The following KIF3C variants were observed in gnomAD, a reference collection of about 807,000 sequenced individuals.
KIF3C encodes the protein kinesin family member 3C.
A neutral mutation model predicts 67.7 loss-of-function variants in KIF3C; 12 were observed. That is an observed-to-expected ratio of 0.18 (90% CI 0.11 to 0.29). KIF3C has a LOEUF of 0.29. Ranked by LOEUF, KIF3C falls within the 10% of genes least tolerant of loss-of-function variation. The pLI is 1.00. For synonymous variants in KIF3C, 393 were observed against 426.2 expected (o/e 0.92, Z 0.96); for missense variants, 789 against 1,059.6 (o/e 0.74, Z 3.55).
chr2:25,945,131 CA>C (rs60379654), intron 5 of KIF3C, among the ~76,000 whole-genome samples: 4,280 of 135,676 alleles, frequency 0.032, 182 homozygotes, highest in African/African-American at 0.11. Flanking sequence ...AACTCTATCT[CA>C]AAAAAAAAAA....
In KIF3C at chr2:25,982,040, T is replaced by G. The variant is rs945903984; in HGVS notation, c.-123A>C. 4 of 747,034 alleles carry G rather than the reference T, an allele frequency of 5.4e-6. No homozygotes were observed. The highest frequency in any genetic ancestry group is 1.8e-5 in the African/African-American group (1 of 56,508). The allele number at this position is 747,034 out of a possible 1,614,324, so 46.3% of individuals were successfully genotyped here. ...CCCAGGCGCAGCTCTTCAATCCGCA[T>G]GCAGCCTCCTAGGGTGGGGACGCTG... On this transcript the variant is annotated 5_prime_UTR_variant, in exon 1 of 8. The change abolishes an upstream ATG in the 5' untranslated region. Coordinates refer to ENST00000264712, the MANE Select transcript of KIF3C (RefSeq NM_002254.8).
intron 1 of KIF3C, among the ~76,000 whole-genome samples, chr2:25,975,889 T>C (rs764699807): frequency 6.6e-6 from 1 of 151,462 alleles, no homozygotes; most frequent in South Asian, 2.1e-4. Flanking sequence ...ACTCAGAAGG[T>C]GGAGCTTGCA....
intron 5 of KIF3C, among the ~76,000 whole-genome samples, chr2:25,930,683 A>G (rs903673092): frequency 1.3e-5 from 2 of 152,206 alleles, no homozygotes; most frequent in African/African-American, 4.8e-5. Flanking sequence ...GATTATAGGC[A>G]TGTGGCACCA....
rs916683634 is a variant in KIF3C at position 25,929,198 on chromosome 2, C to T, written c.2288+107G>A. The T allele has an allele frequency of 9.1e-6, 13 of 1,429,360 alleles. No homozygotes were observed. The East Asian group carries it at 1.6e-4, about 18-fold the overall frequency. The allele number at this position is 1,429,360 out of a possible 1,614,324, so 88.5% of individuals were successfully genotyped here. On this transcript the variant is annotated intron_variant, in intron 7 of 7. Transcript: ENST00000264712. ...TCTGACATCCCCAGTCACCCCTTGC[C>T]CTTCCTGCCCTTCGGGTACCAGCAA...
chr2:25,962,796 TTA>T (rs1343665169), intron 1 of KIF3C, among the ~76,000 whole-genome samples: 1 of 78,750 alleles, frequency 1.3e-5, no homozygotes, highest in Non-Finnish European at 2.3e-5. Context: ...ATAATATATA[TTA>T]TATAATATAT....
chr2:25,934,627 C>T (rs1040431682), intron 5 of KIF3C, among the ~76,000 whole-genome samples: 2 of 151,760 alleles, frequency 1.3e-5, no homozygotes, highest in African/African-American at 4.8e-5. Context: ...ATAGTGGTGA[C>T]GGTTGTATAA....
In KIF3C at chr2:25,927,513, A is replaced by C. The variant is rs1390044201; in HGVS notation, c.*1465T>G. ...TAAATCAGACCCAAGCTTGATCCTCAGAGCAGAACTTGAATGATGTAAGAA... is the reference window on the plus strand; with the variant it reads ...TAAATCAGACCCAAGCTTGATCCTCCGAGCAGAACTTGAATGATGTAAGAA... On this transcript the variant is annotated 3_prime_UTR_variant, in exon 8 of 8. Transcript: ENST00000264712. 1 of 152,200 alleles carries C rather than the reference A, an allele frequency of 6.6e-6. No homozygotes were observed. Among genetic ancestry groups the C allele is most frequent in the African/African-American group, 2.4e-5 (1 of 41,458 alleles). 9.4% of individuals were successfully genotyped at this position (152,200 alleles called of 1,614,324 possible). A position where few individuals can be genotyped will look rare whatever the true frequency, so the allele number is the denominator to read the frequency against.
At chr2:25,973,479 G>A (rs533562656) in intron 1 of KIF3C, among the ~76,000 whole-genome samples, 3 of 151,248 alleles carry the variant, frequency 2.0e-5, no homozygotes, top group South Asian at 2.1e-4. Flanking sequence ...GCTTGAACCC[G>A]GGAAGCGGAG....
In KIF3C at chr2:25,935,354, G is replaced by C. The variant is rs531097991; in HGVS notation, c.2007-5291C>G. The stretch of plus-strand genomic sequence containing the variant: ...AGGTAAAGAGAAAAATTTACATGCA[G>C]GGGTATTTGCTGAAGCCTTTTTTTT... On this transcript the variant is annotated intron_variant, in intron 5 of 7. Coordinates refer to ENST00000264712, the MANE Select transcript of KIF3C (RefSeq NM_002254.8). Among the ~76,000 whole-genome samples, 6 of 152,232 alleles carry C rather than the reference G, an allele frequency of 3.9e-5. No homozygotes were observed. In the South Asian group the frequency reaches 1.2e-3, roughly 32 times the overall value.
chr2:25,951,722 C>T, intron 5 of KIF3C, 67 bp downstream of exon 5: 1 of 1,085,634 alleles, frequency 9.2e-7, no homozygotes, highest in East Asian at 2.4e-5. Flanking sequence ...CCTCAGGCCC[C>T]TCACCAGCCC....
At chr2:25,972,753 T>C (rs1342555667) in intron 1 of KIF3C, among the ~76,000 whole-genome samples, 1 of 152,174 alleles carries the variant, frequency 6.6e-6, no homozygotes, top group Non-Finnish European at 1.5e-5. Flanking sequence ...AGTATTTCAC[T>C]CTCTCCACTA....
intron 5 of KIF3C, among the ~76,000 whole-genome samples, chr2:25,931,750 G>T (rs2090460427): frequency 6.6e-6 from 1 of 151,734 alleles, no homozygotes; most frequent in South Asian, 2.1e-4. Context: ...TGATTCTTGT[G>T]CCTCAGCCTC....
chr2:25,930,091 G>C, intron 5 of KIF3C, 28 bp from the exon 6 acceptor site: 1 of 1,560,738 alleles, frequency 6.4e-7, no homozygotes. Flanking sequence ...TATTAGAAAG[G>C]ATTTCTGTGG....
chr2:25,928,700 A>C lies in KIF3C; in HGVS notation c.*278T>G, dbSNP rs1574474514. On this transcript the variant is annotated 3_prime_UTR_variant, in exon 8 of 8. Coordinates refer to ENST00000264712, the MANE Select transcript of KIF3C (RefSeq NM_002254.8). ...ATCTGACTGGGGGAGCTCTCAAGTC[A>C]GAAGAAAAAGAGGCTACGCAGTGAC... 5 of 288,348 alleles carry C rather than the reference A, an allele frequency of 1.7e-5. No homozygotes were observed. The East Asian group carries it at 3.5e-4, about 20-fold the overall frequency. 17.9% of individuals were successfully genotyped at this position (288,348 alleles called of 1,614,324 possible). A position where few individuals can be genotyped will look rare whatever the true frequency, so the allele number is the denominator to read the frequency against.
chr2:25,979,240 A>C (rs1664496302), intron 1 of KIF3C, among the ~76,000 whole-genome samples: 2 of 152,144 alleles, frequency 1.3e-5, no homozygotes, highest in Non-Finnish European at 2.9e-5. Context: ...ATGCAACTTA[A>C]TAGGTCTATG....
At chr2:25,968,049 C>G (rs1193679396) in intron 1 of KIF3C, among the ~76,000 whole-genome samples, 1 of 152,200 alleles carries the variant, frequency 6.6e-6, no homozygotes, top group Non-Finnish European at 1.5e-5. Context: ...ATAGCCACCC[C>G]TTCCCTCACA....
Position 25,981,970 on chromosome 2 carries a change from T to C in KIF3C, c.-53A>G. The C allele has an allele frequency of 7.1e-7, 1 of 1,414,604 alleles. No individual in the cohort carries two copies. 87.6% of individuals were successfully genotyped at this position (1,414,604 alleles called of 1,614,324 possible). A position where few individuals can be genotyped will look rare whatever the true frequency, so the allele number is the denominator to read the frequency against. ...AGCCCCTCCGCAGCCTGGGCGGTCC[T>C]GCTATCCTGCTCGCTAGGTCGGGAT... On this transcript the variant is annotated 5_prime_UTR_variant, in exon 1 of 8. Coordinates refer to ENST00000264712, the MANE Select transcript of KIF3C (RefSeq NM_002254.8). This position sits in a 1 kb window ranked among gnomAD's most constrained non-coding sequence, Gnocchi z 8.2.
chr2:25,932,614 C>T (rs1217703764), intron 5 of KIF3C, among the ~76,000 whole-genome samples: 1 of 150,072 alleles, frequency 6.7e-6, no homozygotes, highest in African/African-American at 2.4e-5. Flanking sequence ...AGGCGGATCA[C>T]CTGAGGTCAG....
chr2:25,947,108 T>C lies in KIF3C; in HGVS notation c.2006+4681A>G, dbSNP rs182996611. 1.0e-3 allele frequency among the ~76,000 whole-genome samples: 158 copies of C among 152,050 alleles called. 1 individual carries two copies. Among genetic ancestry groups the C allele is most frequent in the Middle Eastern group, 3.4e-3 (1 of 290 alleles). ...AGGTGGAGGTTGAAATGAGCCGAGA[T>C]TGTGCCATTGCACTCCAGCCTGGGC... On this transcript the variant is annotated intron_variant, in intron 5 of 7. Coordinates refer to ENST00000264712, the MANE Select transcript of KIF3C (RefSeq NM_002254.8).
Sources: gnomAD v4.1 joint callset for allele counts (sites outside exome capture counted in the v4.1 genomes callset) on GRCh38, gnomAD v4.1.1 for gene constraint, Gnocchi (gnomAD v3.1) non-coding constraint, MANE v1.5 for transcripts, NCBI Gene and HGNC (gene_info 2026-07-23, HGNC 2026-07-21) for gene names.